ERI3: variants seen among roughly 807,000 people sequenced by gnomAD.
ERI3 encodes ERI1 exoribonuclease 3.
ERI3 carries 18 observed loss-of-function variants against 44.4 expected under a neutral mutation model. The ratio of observed to expected loss-of-function variants is 0.41; its 90% CI spans 0.28 to 0.60. The LOEUF (loss-of-function observed/expected upper bound fraction) is 0.60, where lower values mean the gene tolerates loss of function less well. Ranked by LOEUF, ERI3 falls within the 20% of genes least tolerant of loss-of-function variation. The pLI, the probability that ERI3 is intolerant of heterozygous loss-of-function variation, is 0.36. For synonymous variants in ERI3, 183 were observed against 164.8 expected (o/e 1.11, Z -0.84); for missense variants, 294 against 435.5 (o/e 0.68, Z 2.89).
chr1:44,281,769 G>A (rs2154323102), intron 7 of ERI3, among the ~76,000 whole-genome samples: 2 of 151,858 alleles, frequency 1.3e-5, no homozygotes, highest in South Asian at 2.1e-4. Flanking sequence ...ATAGGAATAT[G>A]TGCATATACA....
At chr1:44,245,793 T>C (rs762282465) in intron 8 of ERI3, among the ~76,000 whole-genome samples, 16 of 152,130 alleles carry the variant, frequency 1.1e-4, no homozygotes, top group Admixed American at 1.0e-3. Flanking sequence ...GGATAGATGA[T>C]AGAAGGGGCA....
intron 7 of ERI3, among the ~76,000 whole-genome samples, chr1:44,249,373 C>T (rs1244157230): frequency 6.6e-6 from 1 of 152,180 alleles, no homozygotes; most frequent in East Asian, 1.9e-4. Context: ...ATCCCACTAA[C>T]ACACAGGGGA....
rs1644698952 is a variant in ERI3 at position 44,252,383 on chromosome 1, A to G, written c.832-4345T>C. ...TGCCCGCCTTGGCTGCTGCCCCATT[A>G]GCTTAGTGGCCAGCCATCTGCGACG... On this transcript the variant is annotated intron_variant, in intron 7 of 8. Transcript: ENST00000372257. The surrounding 1 kb of genome is among the most constrained non-coding windows in gnomAD (Gnocchi z 4.7). Among the ~76,000 whole-genome samples the G allele has an allele frequency of 1.3e-5, 2 of 152,098 alleles. No individual in the cohort carries two copies. The highest frequency in any genetic ancestry group is 2.9e-5 in the Non-Finnish European group (2 of 67,990).
At chr1:44,324,935 C>T (rs557098667) in intron 3 of ERI3, among the ~76,000 whole-genome samples, 7 of 152,140 alleles carry the variant, frequency 4.6e-5, no homozygotes, top group Middle Eastern at 3.2e-3. Context: ...AGGTTCCAAA[C>T]CTATTGTACC....
chr1:44,341,549 C>T (rs1646652890), intron 2 of ERI3, among the ~76,000 whole-genome samples: 1 of 152,184 alleles, frequency 6.6e-6, no homozygotes, highest in South Asian at 2.1e-4. Context: ...CAGTGGTCCT[C>T]TTGCCTGCAG....
intron 2 of ERI3, among the ~76,000 whole-genome samples, chr1:44,342,494 T>C (rs1239370212): frequency 6.6e-6 from 1 of 151,988 alleles, no homozygotes; most frequent in Non-Finnish European, 1.5e-5. Flanking sequence ...GAATGTGAAC[T>C]CATGGTTTCT....
intron 6 of ERI3, among the ~76,000 whole-genome samples, chr1:44,302,445 A>G (rs763080427): frequency 3.3e-5 from 5 of 152,252 alleles, no homozygotes; most frequent in Non-Finnish European, 7.3e-5. Context: ...ACCAACTGGT[A>G]CACCTGTGGG....
chr1:44,288,315 G>T (rs1032420743), intron 6 of ERI3, among the ~76,000 whole-genome samples: 4 of 152,086 alleles, frequency 2.6e-5, no homozygotes, highest in African/African-American at 9.7e-5. Context: ...AGACTCACTC[G>T]CAGGAATTCA....
intron 7 of ERI3, among the ~76,000 whole-genome samples, chr1:44,259,908 T>TAGACAGAC (rs1327641717): frequency 1.6e-4 from 24 of 146,604 alleles, no homozygotes; most frequent in African/African-American, 6.2e-4. Flanking sequence ...GATAGATAGA[T>TAGACAGAC]AGATAGATAG....
At chr1:44,334,785 C>A (rs1408404931) in intron 3 of ERI3, among the ~76,000 whole-genome samples, 2 of 152,114 alleles carry the variant, frequency 1.3e-5, no homozygotes, top group Non-Finnish European at 2.9e-5. Context: ...CATGTTTTAC[C>A]ATGTTTATAA....
At chr1:44,253,103 C>G (rs1644715230) in intron 7 of ERI3, among the ~76,000 whole-genome samples, 1 of 152,220 alleles carries the variant, frequency 6.6e-6, no homozygotes, top group African/African-American at 2.4e-5. Context: ...AAGAGAAAGT[C>G]TGGCAGACAC....
intron 6 of ERI3, among the ~76,000 whole-genome samples, chr1:44,302,700 C>T (rs1167288868): frequency 6.6e-6 from 1 of 152,134 alleles, no homozygotes; most frequent in Non-Finnish European, 1.5e-5. Flanking sequence ...ACCAACAGCC[C>T]ACGGTGTCAG....
intron 6 of ERI3, among the ~76,000 whole-genome samples, chr1:44,299,530 G>C (rs1645680381): frequency 6.6e-6 from 1 of 151,518 alleles, no homozygotes; most frequent in Admixed American, 6.6e-5. Flanking sequence ...GTTCAAAAAG[G>C]GTTTTAAAAA....
intron 2 of ERI3, among the ~76,000 whole-genome samples, chr1:44,352,215 T>A (rs1183383069): frequency 6.6e-6 from 1 of 152,164 alleles, no homozygotes; most frequent in Non-Finnish European, 1.5e-5. Context: ...AGGTTGGAAC[T>A]AACCACCCAC....
At chr1:44,309,865 G>A (rs1336658925) in intron 5 of ERI3, among the ~76,000 whole-genome samples, 1 of 150,794 alleles carries the variant, frequency 6.6e-6, no homozygotes, top group Non-Finnish European at 1.5e-5. Flanking sequence ...ACCCGGCCAC[G>A]AGATTATTTT....
At chr1:44,285,934 A>G (rs1296186852) in intron 6 of ERI3, among the ~76,000 whole-genome samples, 3 of 152,214 alleles carry the variant, frequency 2.0e-5, no homozygotes, top group Non-Finnish European at 4.4e-5. Flanking sequence ...TGGATGCAGC[A>G]AAAATAATAG....
At chr1:44,246,402 T>G (rs1644555420) in intron 8 of ERI3, among the ~76,000 whole-genome samples, 1 of 152,238 alleles carries the variant, frequency 6.6e-6, no homozygotes, top group South Asian at 2.1e-4. Context: ...CATATTACAC[T>G]GCTGGGTTTG....
chr1:44,335,913 A>C (rs1456111716), intron 3 of ERI3, among the ~76,000 whole-genome samples: 1 of 152,066 alleles, frequency 6.6e-6, no homozygotes, highest in Non-Finnish European at 1.5e-5. Context: ...CTGGCAGTTC[A>C]TTCTCATCCC....
intron 7 of ERI3, among the ~76,000 whole-genome samples, chr1:44,278,975 A>C (rs1379327719): frequency 6.6e-6 from 1 of 152,244 alleles, no homozygotes; most frequent in Non-Finnish European, 1.5e-5. Context: ...TACTAGCTAC[A>C]TTTCAAGTGA....
Sources: gnomAD v4.1 joint callset for allele counts (sites outside exome capture counted in the v4.1 genomes callset) on GRCh38, gnomAD v4.1.1 for gene constraint, Gnocchi (gnomAD v3.1) non-coding constraint, MANE v1.5 for transcripts, NCBI Gene and HGNC (gene_info 2026-07-23, HGNC 2026-07-21) for gene names.